CLSTN2: variants seen among roughly 807,000 people sequenced by gnomAD.
The protein encoded by CLSTN2 is calsyntenin-2.
In CLSTN2, 48 loss-of-function variants were observed where a neutral mutation model predicts 101.2. The ratio of observed to expected loss-of-function variants is 0.47; its 90% CI spans 0.38 to 0.60. CLSTN2 has a LOEUF of 0.60. Among genes scored for constraint, CLSTN2 ranks in the 20% least tolerant of loss-of-function variants. CLSTN2 has a pLI of 0.00. For synonymous variants in CLSTN2, 481 were observed against 463.6 expected, an observed-to-expected ratio of 1.04 and a Z score of -0.48; for missense variants, 1,160 against 1,238.2, an observed-to-expected ratio of 0.94 and a Z score of 0.95.
At chr3:140,217,674 T>C (rs145235011) in intron 2 of CLSTN2, among the ~76,000 whole-genome samples, 5 of 152,330 alleles carry the variant, frequency 3.3e-5, no homozygotes, top group Admixed American at 6.5e-5. Flanking sequence ...ATTTGTGGCA[T>C]ATATGACACA....
intron 1 of CLSTN2, among the ~76,000 whole-genome samples, chr3:140,168,263 G>A (rs1319357275): frequency 6.6e-6 from 1 of 152,016 alleles, no homozygotes; most frequent in Non-Finnish European, 1.5e-5. Flanking sequence ...CAATTTACAT[G>A]CCCCTAATGA....
intron 8 of CLSTN2, among the ~76,000 whole-genome samples, chr3:140,501,620 T>TAAGA (rs1934578482): frequency 6.6e-6 from 1 of 152,052 alleles, no homozygotes; most frequent in Non-Finnish European, 1.5e-5. Flanking sequence ...CCACAGCTGG[T>TAAGA]AAGAGTTGAG....
intron 1 of CLSTN2, among the ~76,000 whole-genome samples, chr3:140,054,962 C>A (rs1160687935): frequency 6.6e-6 from 1 of 152,188 alleles, no homozygotes; most frequent in African/African-American, 2.4e-5. Context: ...AGAAACCTGA[C>A]TATTTATGGA....
chr3:140,406,176 C>A (rs11713247), intron 4 of CLSTN2, among the ~76,000 whole-genome samples: 27 of 152,176 alleles, frequency 1.8e-4, no homozygotes, highest in Admixed American at 3.9e-4. Flanking sequence ...GCTTGTACAC[C>A]TTCAGGAGAA....
chr3:140,177,078 G>A (rs531674845), intron 2 of CLSTN2, among the ~76,000 whole-genome samples: 1 of 152,290 alleles, frequency 6.6e-6, no homozygotes, highest in South Asian at 2.1e-4. Context: ...TATTAAATGG[G>A]GAAATTCAGT....
intron 1 of CLSTN2, among the ~76,000 whole-genome samples, chr3:140,045,768 G>A (rs1335631716): frequency 3.3e-5 from 5 of 152,082 alleles, no homozygotes; most frequent in African/African-American, 7.2e-5. Flanking sequence ...CCTTCATTTC[G>A]TTATGTACCC....
At chr3:140,362,049 C>T (rs889870504) in intron 2 of CLSTN2, among the ~76,000 whole-genome samples, 2 of 152,120 alleles carry the variant, frequency 1.3e-5, no homozygotes, top group Non-Finnish European at 2.9e-5. Context: ...AAGACTTAGG[C>T]TTTGTGATTT....
chr3:140,171,799 A>T (rs374643296), intron 1 of CLSTN2, among the ~76,000 whole-genome samples: 2 of 85,744 alleles, frequency 2.3e-5, no homozygotes, highest in African/African-American at 7.9e-5. Context: ...ATAATATATA[A>T]TATGTATTAT....
intron 2 of CLSTN2, among the ~76,000 whole-genome samples, chr3:140,303,375 T>G (rs1176819579): frequency 1.3e-5 from 2 of 152,142 alleles, no homozygotes; most frequent in African/African-American, 4.8e-5. Flanking sequence ...TTCTTTAACT[T>G]GAATCCAAAG....
intron 2 of CLSTN2, among the ~76,000 whole-genome samples, chr3:140,348,803 T>C (rs1368995159): frequency 6.6e-6 from 1 of 152,194 alleles, no homozygotes; most frequent in African/African-American, 2.4e-5. Flanking sequence ...AAGGTTCCAC[T>C]GTGTCAAAGA....
chr3:140,416,018 C>T (rs1321064736), intron 4 of CLSTN2, among the ~76,000 whole-genome samples: 1 of 152,122 alleles, frequency 6.6e-6, no homozygotes, highest in Non-Finnish European at 1.5e-5. Flanking sequence ...TGGAATATTA[C>T]TCAGCGTTAA....
At chr3:140,383,595 T>C (rs558304211) in intron 2 of CLSTN2, among the ~76,000 whole-genome samples, 161 of 152,350 alleles carry the variant, frequency 1.1e-3, no homozygotes, top group African/African-American at 3.7e-3. Flanking sequence ...CAGATCTTAC[T>C]GGGGATAGTA....
intron 1 of CLSTN2, among the ~76,000 whole-genome samples, chr3:140,072,173 T>A (rs1001887781): frequency 1.4e-5 from 2 of 139,436 alleles, no homozygotes; most frequent in African/African-American, 5.3e-5. Flanking sequence ...GAAAAAAGAT[T>A]AATTGCACAT....
At chr3:140,102,468 G>C (rs16849850) in intron 1 of CLSTN2, among the ~76,000 whole-genome samples, 1 of 151,962 alleles carries the variant, frequency 6.6e-6, no homozygotes, top group African/African-American at 2.4e-5. Context: ...AGCAGGGCAG[G>C]GCGGTAGATC....
chr3:139,992,132 TG>T (rs1414140573), intron 1 of CLSTN2, among the ~76,000 whole-genome samples: 1 of 152,100 alleles, frequency 6.6e-6, no homozygotes, highest in Non-Finnish European at 1.5e-5. Flanking sequence ...CACTAGCAAC[TG>T]GGAAGAAGGT....
chr3:140,051,442 T>A (rs1348665093), intron 1 of CLSTN2, among the ~76,000 whole-genome samples: 1 of 152,176 alleles, frequency 6.6e-6, no homozygotes, highest in South Asian at 2.1e-4. Flanking sequence ...TCGCTGCACA[T>A]CTTCCTAAAC....
intron 2 of CLSTN2, among the ~76,000 whole-genome samples, chr3:140,349,412 A>G (rs920331414): frequency 6.6e-6 from 1 of 152,218 alleles, no homozygotes; most frequent in Non-Finnish European, 1.5e-5. Flanking sequence ...TGGTAAAGGA[A>G]GTTAGTATAG....
chr3:140,420,696 A>G (rs1278421883), intron 4 of CLSTN2, among the ~76,000 whole-genome samples: 1 of 152,250 alleles, frequency 6.6e-6, no homozygotes, highest in Non-Finnish European at 1.5e-5. Flanking sequence ...CGACAAGCCC[A>G]GATGTTAAAA....
chr3:140,323,252 G>A (rs537246078), intron 2 of CLSTN2, among the ~76,000 whole-genome samples: 1 of 152,290 alleles, frequency 6.6e-6, no homozygotes, highest in South Asian at 2.1e-4. Flanking sequence ...AGGGCGTTCT[G>A]GACCACTGGT....
Sources: gnomAD v4.1 joint callset for allele counts (sites outside exome capture counted in the v4.1 genomes callset) on GRCh38, gnomAD v4.1.1 for gene constraint, MANE v1.5 for transcripts, NCBI Gene and HGNC (gene_info 2026-07-23, HGNC 2026-07-21) for gene names.